Variants in CTTNBP2NL observed in about 807,000 individuals in gnomAD.
The protein encoded by CTTNBP2NL is CTTNBP2 N-terminal like.
CTTNBP2NL carries 16 observed loss-of-function variants against 32.5 expected under a neutral mutation model. That is an observed-to-expected ratio of 0.49 (90% CI 0.33 to 0.75). The LOEUF (loss-of-function observed/expected upper bound fraction) is 0.75. Among genes scored for constraint, CTTNBP2NL ranks in the 30% least tolerant of loss-of-function variants. The probability of loss-of-function intolerance (pLI) is 0.02; values close to 1 mark genes in which losing one functional copy is unlikely to be tolerated. For missense variants in CTTNBP2NL, 645 were observed against 756.0 expected, an observed-to-expected ratio of 0.85 and a Z score of 1.72; for synonymous variants, 298 against 289.4, an observed-to-expected ratio of 1.03 and a Z score of -0.30.
chr1:112,413,588 T>C (rs1388078830), intron 2 of CTTNBP2NL, among the ~76,000 whole-genome samples: 1 of 152,176 alleles, frequency 6.6e-6, no homozygotes, highest in Non-Finnish European at 1.5e-5. Context: ...CCAAGCTACA[T>C]GTTCTTTCCA....
In CTTNBP2NL at chr1:112,421,461, C is replaced by T. The variant is rs562824002; in HGVS notation, c.99+5197C>T. On this transcript the variant is annotated intron_variant, in intron 3 of 5. Transcript: ENST00000271277. Reference sequence around the variant, plus strand: ...GACTGCAGGTGTGCGCCACCACGCCCGGCTAGTTTTTTTGTATTTTTAGTA... The same window carrying T: ...GACTGCAGGTGTGCGCCACCACGCCTGGCTAGTTTTTTTGTATTTTTAGTA... Among the ~76,000 whole-genome samples the T allele has an allele frequency of 6.0e-3, 906 of 151,330 alleles. 7 individuals are homozygous for T. Among genetic ancestry groups the T allele is most frequent in the African/African-American group, 0.02 (837 of 41,326 alleles).
intron 3 of CTTNBP2NL, among the ~76,000 whole-genome samples, chr1:112,424,659 T>G (rs994640282): frequency 7.9e-5 from 12 of 152,220 alleles, no homozygotes; most frequent in African/African-American, 2.7e-4. Flanking sequence ...ATATGCTATA[T>G]CTCATCATTT....
At position 112,411,806 on chromosome 1, in the gene CTTNBP2NL, G is replaced by C. The variant is rs542591534; in HGVS notation, c.-133-388G>C. On this transcript the variant is annotated intron_variant, in intron 1 of 5. Coordinates refer to ENST00000271277, the MANE Select transcript of CTTNBP2NL (RefSeq NM_018704.3). ...CACGCCATTCTCCTGCCTTAGCCTC[G>C]TGAGTAGCTGGGACCACAGGCACCC... Among the ~76,000 whole-genome samples the C allele has an allele frequency of 2.0e-5, 3 of 151,832 alleles. No individual in the cohort carries two copies. In the East Asian group the frequency reaches 5.8e-4, roughly 29 times the overall value.
intron 3 of CTTNBP2NL, among the ~76,000 whole-genome samples, chr1:112,436,280 C>T (rs1286724212): frequency 6.6e-6 from 1 of 152,080 alleles, no homozygotes. Flanking sequence ...CACCCCAGAC[C>T]TAGAAATCAT....
chr1:112,442,096 A>T (rs540523717), intron 3 of CTTNBP2NL, among the ~76,000 whole-genome samples: 3 of 152,136 alleles, frequency 2.0e-5, no homozygotes, highest in African/African-American at 7.2e-5. Flanking sequence ...GTGAACCCAA[A>T]AGTGCTCTAA....
chr1:112,437,901 G>A (rs564652902), intron 3 of CTTNBP2NL, among the ~76,000 whole-genome samples: 4 of 152,274 alleles, frequency 2.6e-5, no homozygotes, highest in African/African-American at 9.6e-5. Flanking sequence ...CATTCTGTAC[G>A]TTGTCTGTTT....
chr1:112,425,999 GTGTGTCTGTC>G (rs775366768), intron 3 of CTTNBP2NL, among the ~76,000 whole-genome samples: 8 of 121,162 alleles, frequency 6.6e-5, no homozygotes, highest in African/African-American at 1.9e-4. Context: ...GTGTGTGTGT[GTGTGTCTGTC>G]TGTCTTACTA....
chr1:112,405,826 T>C (rs1389461966), intron 1 of CTTNBP2NL, among the ~76,000 whole-genome samples: 1 of 152,118 alleles, frequency 6.6e-6, no homozygotes, highest in Non-Finnish European at 1.5e-5. Context: ...GTCTTAGAAC[T>C]AAACAAAACA....
At chr1:112,403,207 C>A (rs1370215366) in intron 1 of CTTNBP2NL, among the ~76,000 whole-genome samples, 3 of 152,202 alleles carry the variant, frequency 2.0e-5, no homozygotes, top group Non-Finnish European at 4.4e-5. Flanking sequence ...CCCGACTACT[C>A]TTTCTGTTTC....
In CTTNBP2NL at chr1:112,416,118, A is replaced by G. The variant is rs144647165; in HGVS notation, c.-9-39A>G. 2,508 of 1,028,694 alleles carry G rather than the reference A, an allele frequency of 2.4e-3. 50 individuals carry two copies. In the African/African-American group the frequency reaches 0.035, roughly 14 times the overall value. 63.7% of individuals were successfully genotyped at this position (1,028,694 alleles called of 1,614,324 possible). The stretch of plus-strand genomic sequence containing the variant: ...TTTCTTTAATTGTATCAAATTAACT[A>G]TGTCTTTGGAGATTGTCTGATTGTT... On this transcript the variant is annotated intron_variant, in intron 2 of 5. Coordinates refer to ENST00000271277, the MANE Select transcript of CTTNBP2NL (RefSeq NM_018704.3).
At chr1:112,453,085 A>G (rs2101033443) in intron 4 of CTTNBP2NL, among the ~76,000 whole-genome samples, 1 of 149,298 alleles carries the variant, frequency 6.7e-6, no homozygotes, top group South Asian at 2.2e-4. Flanking sequence ...ACTGCATTTC[A>G]GCTTGGGTGA....
At chr1:112,429,006 A>G (rs1291425255) in intron 3 of CTTNBP2NL, among the ~76,000 whole-genome samples, 1 of 152,202 alleles carries the variant, frequency 6.6e-6, no homozygotes, top group Non-Finnish European at 1.5e-5. Flanking sequence ...GAATTTTGCT[A>G]AGCTATGGAA....
chr1:112,402,317 C>T (rs971940151), intron 1 of CTTNBP2NL, among the ~76,000 whole-genome samples: 5 of 152,064 alleles, frequency 3.3e-5, no homozygotes, highest in African/African-American at 1.2e-4. Context: ...ACTCGGGAGG[C>T]CAAGACAGGA....
intron 3 of CTTNBP2NL, among the ~76,000 whole-genome samples, chr1:112,448,194 A>G (rs1035377203): frequency 6.6e-6 from 1 of 152,204 alleles, no homozygotes; most frequent in African/African-American, 2.4e-5. Context: ...AGAAAAGAGA[A>G]TGGAAAGTAA....
chr1:112,429,453 A>G (rs1173476711), intron 3 of CTTNBP2NL, among the ~76,000 whole-genome samples: 2 of 152,196 alleles, frequency 1.3e-5, no homozygotes, highest in Non-Finnish European at 2.9e-5. Context: ...TCCAAGCTCT[A>G]ATGCAAAATG....
rs1287548743 is a variant in CTTNBP2NL, at chr1:112,451,457, G to T, written c.330+2285G>T. ...GTCTGTGTGCAGGAATCAGGGTGAA[G>T]GGACAAATAATTCTGAAAATACAGG... On this transcript the variant is annotated intron_variant, in intron 4 of 5. Coordinates refer to ENST00000271277, the MANE Select transcript of CTTNBP2NL (RefSeq NM_018704.3). 1.3e-4 allele frequency among the ~76,000 whole-genome samples: 19 copies of T among 150,668 alleles called. 1 individual carries two copies. The highest frequency in any genetic ancestry group is 1.5e-5 in the Non-Finnish European group (1 of 67,588).
At chr1:112,437,865 A>G (rs1489395159) in intron 3 of CTTNBP2NL, among the ~76,000 whole-genome samples, 1 of 152,142 alleles carries the variant, frequency 6.6e-6, no homozygotes. Context: ...CGTTTGTCAG[A>G]TGCATAGTTT....
chr1:112,416,772 G>A (rs1158424545), intron 3 of CTTNBP2NL, among the ~76,000 whole-genome samples: 1 of 152,140 alleles, frequency 6.6e-6, no homozygotes, highest in Non-Finnish European at 1.5e-5. Context: ...AATTACAGGT[G>A]TGAGCCACCA....
chr1:112,397,924 G>T (rs1648378171), intron 1 of CTTNBP2NL, among the ~76,000 whole-genome samples: 1 of 152,142 alleles, frequency 6.6e-6, no homozygotes, highest in African/African-American at 2.4e-5. Flanking sequence ...AGTTAGGTTT[G>T]AAGTTTTCAG....
Sources: gnomAD v4.1 joint callset for allele counts (sites outside exome capture counted in the v4.1 genomes callset) on GRCh38, gnomAD v4.1.1 for gene constraint, MANE v1.5 for transcripts, NCBI Gene and HGNC (gene_info 2026-07-23, HGNC 2026-07-21) for gene names.